Variants in BMP6 observed in about 807,000 individuals in gnomAD.
BMP6 encodes bone morphogenetic protein 6.
A neutral mutation model predicts 54.1 loss-of-function variants in BMP6; 17 were observed. That is an observed-to-expected ratio of 0.31 (90% confidence interval 0.22 to 0.47). BMP6 has a LOEUF of 0.47. BMP6 is among the 20% of genes least tolerant of loss of function. The pLI, the probability that BMP6 is intolerant of heterozygous loss-of-function variation, is 1.00. For synonymous variants in BMP6, 328 were observed against 291.2 expected (o/e 1.13, Z -1.28); for missense variants, 720 against 690.4 (o/e 1.04, Z -0.48).
chr6:7,793,788 G>C (rs1255546890), intron 1 of BMP6, among the ~76,000 whole-genome samples: 2 of 152,198 alleles, frequency 1.3e-5, no homozygotes, highest in Admixed American at 1.3e-4. Context: ...AGAAGTGAGA[G>C]GCGTGTGACC....
chr6:7,785,544 T>C (rs1374599744), intron 1 of BMP6, among the ~76,000 whole-genome samples: 2 of 152,218 alleles, frequency 1.3e-5, no homozygotes, highest in Non-Finnish European at 2.9e-5. Flanking sequence ...GGAGGCACTT[T>C]TGTTTTCAAC....
intron 4 of BMP6, among the ~76,000 whole-genome samples, chr6:7,875,313 A>G (rs1759596201): frequency 6.6e-6 from 1 of 152,140 alleles, no homozygotes; most frequent in East Asian, 1.9e-4. Context: ...GGGCAGGTCT[A>G]TTTTACTCAG....
intron 4 of BMP6, among the ~76,000 whole-genome samples, chr6:7,869,216 C>A (rs755458476): frequency 3.8e-4 from 58 of 152,246 alleles, no homozygotes; most frequent in Non-Finnish European, 7.8e-4. Flanking sequence ...TGCGCCCTTC[C>A]CTTCTCCTCT....
At chr6:7,841,142 T>C (rs1758962910) in intron 1 of BMP6, among the ~76,000 whole-genome samples, 1 of 152,244 alleles carries the variant, frequency 6.6e-6, no homozygotes, top group African/African-American at 2.4e-5. Context: ...TTATTTCAAT[T>C]TACCTGATAC....
At chr6:7,727,674 G>A in intron 1 of BMP6, 55 bp downstream of exon 1, 1 of 1,446,894 alleles carries the variant, frequency 6.9e-7, no homozygotes, top group Non-Finnish European at 9.0e-7. Context: ...TCAGTGTCCC[G>A]GGCCCAGGGG....
At chr6:7,764,460 C>G (rs1030720284) in intron 1 of BMP6, among the ~76,000 whole-genome samples, 5 of 152,150 alleles carry the variant, frequency 3.3e-5, no homozygotes, top group African/African-American at 1.2e-4. Context: ...GGGCCTCACT[C>G]CTGTCTCTTT....
chr6:7,787,426 G>A (rs1758036056), intron 1 of BMP6, among the ~76,000 whole-genome samples: 2 of 152,194 alleles, frequency 1.3e-5, no homozygotes, highest in Non-Finnish European at 1.5e-5. Context: ...AAAAATCTTA[G>A]ACAGTTGCAA....
Position 7,777,488 on chromosome 6 carries a change from T to C in BMP6, c.664+49869T>C, listed in dbSNP as rs77415062. The stretch of plus-strand genomic sequence containing the variant: ...GGAATGCCCCCCTCTGGCTCCAGTA[T>C]GGGGACTGGAGAATCGAAGATACAG... On this transcript the variant is annotated intron_variant, in intron 1 of 6. Coordinates refer to ENST00000283147, the MANE Select transcript of BMP6 (RefSeq NM_001718.6). Among the ~76,000 whole-genome samples the C allele has an allele frequency of 6.1e-3, 935 of 152,258 alleles. 7 individuals are homozygous for C. Among genetic ancestry groups the C allele is most frequent in the African/African-American group, 0.022 (905 of 41,534 alleles).
At chr6:7,856,292 A>G (rs1279458214) in intron 2 of BMP6, among the ~76,000 whole-genome samples, 1 of 152,132 alleles carries the variant, frequency 6.6e-6, no homozygotes, top group African/African-American at 2.4e-5. Flanking sequence ...GTTTAAACAT[A>G]ATCTATACTG....
In BMP6 at chr6:7,881,337, TA is replaced by T. The variant is rs1759722493; in HGVS notation, c.*995del. Reference sequence around the variant, plus strand: ...GTGAGGCTCAGATTAAATTTTAGAATATTTTCTAAATGTCTTTTTCACAATC... The same window carrying T: ...GTGAGGCTCAGATTAAATTTTAGAATTTTTCTAAATGTCTTTTTCACAATC... On this transcript the variant is annotated 3_prime_UTR_variant, in exon 7 of 7. Coordinates refer to ENST00000283147, the MANE Select transcript of BMP6 (RefSeq NM_001718.6). 2.0e-5 allele frequency: 3 copies of T among 152,632 alleles called. 1 individual carries two copies. The South Asian group carries it at 6.2e-4, about 32-fold the overall frequency. 9.5% of individuals were successfully genotyped at this position (152,632 alleles called of 1,614,324 possible).
intron 1 of BMP6, among the ~76,000 whole-genome samples, chr6:7,758,268 G>A (rs1757556766): frequency 6.6e-6 from 1 of 152,224 alleles, no homozygotes; most frequent in African/African-American, 2.4e-5. Flanking sequence ...TGAATTCGCA[G>A]ATTGAGTAGC....
chr6:7,824,344 G>A (rs1336424440), intron 1 of BMP6, among the ~76,000 whole-genome samples: 3 of 152,178 alleles, frequency 2.0e-5, no homozygotes, highest in Non-Finnish European at 4.4e-5. Context: ...AGGGGTCTCC[G>A]TCCGGCTTGG....
Position 7,861,525 on chromosome 6 carries a change from C to T in BMP6, c.932C>T (p.Thr311Met), listed in dbSNP as rs774042448. ...GAAGGCTGGCTGGAATTTGACATCACGGCCACTAGCAATCTGTGGGTTGTG... is the reference window on the plus strand; with the variant it reads ...GAAGGCTGGCTGGAATTTGACATCATGGCCACTAGCAATCTGTGGGTTGTG... ...SEEGWLEFDI[T>M]ATSNLWVVTP... Residue 311 changes from threonine to methionine, a missense_variant, in exon 3 of 7, where the codon ACG (threonine) becomes ATG (methionine). Physicochemically the swap from Thr to Met is moderately conservative, Grantham distance 81. This residue lies in a region of BMP6 where 650 missense variants were observed against 556.3 expected (regional missense o/e 1.17). Transcript: ENST00000283147. 1.1e-5 allele frequency: 17 copies of T among 1,614,072 alleles called. No individual in the cohort carries two copies. The highest frequency in any genetic ancestry group is 1.6e-4 in the Middle Eastern group (1 of 6,084).
At chr6:7,875,971 T>C (rs906946418) in intron 4 of BMP6, among the ~76,000 whole-genome samples, 4 of 152,152 alleles carry the variant, frequency 2.6e-5, no homozygotes, top group Non-Finnish European at 5.9e-5. Context: ...GGTTATACAC[T>C]GCAGGGTGGA....
At chr6:7,791,400 TCCC>T (rs1758104953) in intron 1 of BMP6, among the ~76,000 whole-genome samples, 1 of 152,140 alleles carries the variant, frequency 6.6e-6, no homozygotes, top group African/African-American at 2.4e-5. Flanking sequence ...AGCAGCATCT[TCCC>T]CTAGCTTCTG....
chr6:7,796,219 A>T (rs1341314151), intron 1 of BMP6, among the ~76,000 whole-genome samples: 1 of 152,244 alleles, frequency 6.6e-6, no homozygotes, highest in Non-Finnish European at 1.5e-5. Context: ...GGAGGAGGCC[A>T]GTGGGATCAG....
intron 1 of BMP6, among the ~76,000 whole-genome samples, chr6:7,801,883 G>C (rs1260125504): frequency 6.6e-6 from 1 of 152,190 alleles, no homozygotes; most frequent in Non-Finnish European, 1.5e-5. Context: ...GCAATATGGG[G>C]TGCAGATGGT....
chr6:7,788,490 CTG>C (rs1186309057), intron 1 of BMP6, among the ~76,000 whole-genome samples: 3 of 152,140 alleles, frequency 2.0e-5, no homozygotes, highest in Admixed American at 1.3e-4. Flanking sequence ...GGGGACCCCT[CTG>C]TATGTTTTTA....
chr6:7,753,234 C>A (rs1481885320), intron 1 of BMP6, among the ~76,000 whole-genome samples: 1 of 152,166 alleles, frequency 6.6e-6, no homozygotes, highest in Non-Finnish European at 1.5e-5. Flanking sequence ...TGACTTCGCC[C>A]CAAGTCATCC....
Sources: gnomAD v4.1 joint callset for allele counts (sites outside exome capture counted in the v4.1 genomes callset) on GRCh38, gnomAD v4.1.1 for gene constraint, gnomAD v4.1.1 regional missense constraint, MANE v1.5 for transcripts, NCBI Gene and HGNC (gene_info 2026-07-23, HGNC 2026-07-21) for gene names.